RGS7: variants seen among roughly 807,000 people sequenced by gnomAD.
The protein encoded by RGS7 is regulator of G-protein signaling 7.
RGS7 carries 27 observed loss-of-function variants against 81.1 expected under a neutral mutation model. The observed-to-expected ratio is 0.33, with a 90% confidence interval of 0.25 to 0.46. The LOEUF (loss-of-function observed/expected upper bound fraction) is 0.46, where lower values mean the gene tolerates loss of function less well. Ranked by LOEUF, RGS7 falls within the 20% of genes least tolerant of loss-of-function variation. The pLI is 1.00. For synonymous variants in RGS7, 208 were observed against 207.7 expected (o/e 1.00, Z -0.01); for missense variants, 396 against 607.4 (o/e 0.65, Z 3.66).
chr1:241,267,845 A>T (rs923827342), intron 2 of RGS7, among the ~76,000 whole-genome samples: 1 of 152,180 alleles, frequency 6.6e-6, no homozygotes, highest in Non-Finnish European at 1.5e-5. Flanking sequence ...ATTAACTACG[A>T]GGTTTTTGAA....
chr1:240,845,610 CTTAT>C (rs1474451366), intron 9 of RGS7, among the ~76,000 whole-genome samples: 1 of 152,124 alleles, frequency 6.6e-6, no homozygotes, highest in African/African-American at 2.4e-5. Context: ...CTTGCTTTCT[CTTAT>C]TTGTTAATTA....
chr1:240,937,482 G>T (rs957747433), intron 4 of RGS7, among the ~76,000 whole-genome samples: 7 of 152,104 alleles, frequency 4.6e-5, no homozygotes, highest in African/African-American at 1.2e-4. Context: ...CAACTGCCAT[G>T]ACCAACCTCA....
chr1:241,206,804 T>C (rs900710821), intron 2 of RGS7, among the ~76,000 whole-genome samples: 3 of 152,058 alleles, frequency 2.0e-5, no homozygotes, highest in African/African-American at 7.2e-5. Context: ...GTCACCCCCT[T>C]AGGCCATGGG....
chr1:241,032,373 T>G (rs1328050451), intron 3 of RGS7, among the ~76,000 whole-genome samples: 1 of 152,226 alleles, frequency 6.6e-6, no homozygotes, highest in African/African-American at 2.4e-5. Context: ...TTTTGATTAT[T>G]GTATCCTTGC....
chr1:240,938,088 A>C (rs760084431), intron 4 of RGS7, among the ~76,000 whole-genome samples: 26 of 152,192 alleles, frequency 1.7e-4, no homozygotes, highest in Non-Finnish European at 3.5e-4. Flanking sequence ...ACCCCAACAA[A>C]AAAAATATAT....
chr1:241,337,305 A>G lies in RGS7; in HGVS notation c.78+18394T>C, dbSNP rs185906445. Among the ~76,000 whole-genome samples the G allele has an allele frequency of 4.5e-3, 690 of 152,254 alleles. 1 individual carries two copies. Among genetic ancestry groups the G allele is most frequent in the Middle Eastern group, 0.038 (11 of 292 alleles). The stretch of plus-strand genomic sequence containing the variant: ...CTCATTTTGTTTCTTGCCCTGACTC[A>G]AACGGCCTCTCCAGTTGAACAACCA... On this transcript the variant is annotated intron_variant, in intron 2 of 18. Coordinates refer to ENST00000440928, the MANE Select transcript of RGS7 (RefSeq NM_001364886.1).
At chr1:240,886,347 A>G (rs1363275860) in intron 6 of RGS7, among the ~76,000 whole-genome samples, 1 of 152,242 alleles carries the variant, frequency 6.6e-6, no homozygotes, top group Non-Finnish European at 1.5e-5. Context: ...CTTTCAAAGG[A>G]AAGTTCTGTC....
rs530714673 is a variant in RGS7, at chr1:240,845,841, A to C, written c.610-18669T>G. Among the ~76,000 whole-genome samples the C allele has an allele frequency of 2.0e-5, 3 of 152,318 alleles. No individual in the cohort carries two copies. The East Asian group carries it at 5.8e-4, about 29-fold the overall frequency. On this transcript the variant is annotated intron_variant, in intron 9 of 18. Transcript: ENST00000440928. ...TAGAGTAATGTATCCTGAAGAGAGA[A>C]GTAGCTCGAACAGTAAAAGGGACAA...
At position 240,977,316 on chromosome 1, in the gene RGS7, G is replaced by A. The variant is rs144166152; in HGVS notation, c.226+5763C>T. 1.2e-4 allele frequency among the ~76,000 whole-genome samples: 18 copies of A among 151,922 alleles called. No homozygotes were observed. In the East Asian group the frequency reaches 1.4e-3, roughly 11 times the overall value. ...AGTAGCCATTTTATTTAATCTTTCC[G>A]CCACAGTCCAATTGTAAGACTAATG... On this transcript the variant is annotated intron_variant, in intron 4 of 18. Transcript: ENST00000440928.
At chr1:241,330,441 G>T (rs1169605641) in intron 2 of RGS7, among the ~76,000 whole-genome samples, 1 of 152,096 alleles carries the variant, frequency 6.6e-6, no homozygotes, top group Non-Finnish European at 1.5e-5. Flanking sequence ...CCAGTGTGTG[G>T]GTTTAAATAA....
chr1:240,969,994 G>A (rs962408069), intron 4 of RGS7, among the ~76,000 whole-genome samples: 2 of 152,148 alleles, frequency 1.3e-5, no homozygotes, highest in African/African-American at 4.8e-5. Context: ...TTCTCTTGGA[G>A]TTCAGAATAA....
At chr1:241,243,907 G>A (rs190667591) in intron 2 of RGS7, among the ~76,000 whole-genome samples, 3 of 152,046 alleles carry the variant, frequency 2.0e-5, no homozygotes, top group Admixed American at 6.5e-5. Flanking sequence ...TTTTTTTTCA[G>A]AAGGACCATG....
chr1:241,015,665 T>C (rs1412555063), intron 3 of RGS7, among the ~76,000 whole-genome samples: 4 of 152,222 alleles, frequency 2.6e-5, no homozygotes, highest in Non-Finnish European at 1.5e-5. Flanking sequence ...TTAACAAAAT[T>C]TTGGTACATT....
intron 2 of RGS7, among the ~76,000 whole-genome samples, chr1:241,221,015 A>AG (rs1200426779): frequency 5.8e-5 from 6 of 103,812 alleles, no homozygotes; most frequent in African/African-American, 1.9e-4. Context: ...GAAAGGAAGG[A>AG]AGGAAGGAAG....
chr1:241,078,887 G>A (rs1257533933), intron 3 of RGS7, among the ~76,000 whole-genome samples: 2 of 152,062 alleles, frequency 1.3e-5, no homozygotes, highest in East Asian at 3.9e-4. Context: ...GGGAGAAATG[G>A]CACGAAAATC....
chr1:241,091,749 T>G (rs1406986164), intron 3 of RGS7, among the ~76,000 whole-genome samples: 1 of 151,874 alleles, frequency 6.6e-6, no homozygotes, highest in Non-Finnish European at 1.5e-5. Flanking sequence ...TAGCCAGATG[T>G]GTTGGTGCAT....
chr1:240,936,813 C>G, intron 4 of RGS7, 107 bp from the exon 5 acceptor site: 2 of 820,650 alleles, frequency 2.4e-6, no homozygotes, highest in Non-Finnish European at 4.1e-6. Context: ...CAGTAAGTTC[C>G]TCTTGAAAGA....
intron 9 of RGS7, 76 bp from the exon 10 acceptor site, chr1:240,827,248 G>C (rs756555491): frequency 1.6e-5 from 18 of 1,145,180 alleles, no homozygotes; most frequent in Middle Eastern, 2.0e-4. Flanking sequence ...TGAATGGCTC[G>C]CTCTCCAGAG....
intron 3 of RGS7, among the ~76,000 whole-genome samples, chr1:241,092,222 G>A (rs1175556091): frequency 1.3e-5 from 2 of 152,192 alleles, no homozygotes; most frequent in African/African-American, 4.8e-5. Flanking sequence ...TATGCCTGTA[G>A]CCAAGGTAAA....
Sources: gnomAD v4.1 joint callset for allele counts (sites outside exome capture counted in the v4.1 genomes callset) on GRCh38, gnomAD v4.1.1 for gene constraint, MANE v1.5 for transcripts, NCBI Gene and HGNC (gene_info 2026-07-23, HGNC 2026-07-21) for gene names.